Variants in ACAP2 observed in about 807,000 individuals in gnomAD.
ACAP2 encodes ArfGAP with coiled-coil, ankyrin repeat and PH domains 2, also known as arf-GAP with coiled-coil, ANK repeat and PH domain-containing protein 2.
Under a neutral mutation model 115.8 loss-of-function variants are expected in ACAP2, and 39 were observed. That is an observed-to-expected ratio of 0.34 (90% CI 0.26 to 0.44). The LOEUF (loss-of-function observed/expected upper bound fraction) is 0.44, where lower values mean the gene tolerates loss of function less well. Ranked by LOEUF, ACAP2 falls within the 20% of genes least tolerant of loss-of-function variation. The pLI is 1.00. For synonymous variants in ACAP2, 289 were observed against 315.8 expected, an observed-to-expected ratio of 0.92 and a Z score of 0.90; for missense variants, 662 against 927.6, an observed-to-expected ratio of 0.71 and a Z score of 3.72.
intron 21 of ACAP2, among the ~76,000 whole-genome samples, chr3:195,286,886 A>G (rs1560200468): frequency 6.6e-6 from 1 of 152,232 alleles, no homozygotes; most frequent in Non-Finnish European, 1.5e-5. Context: ...TTGTCTCTCT[A>G]TATCATTCCT....
intron 4 of ACAP2, among the ~76,000 whole-genome samples, chr3:195,363,792 G>C (rs1732531803): frequency 6.6e-6 from 1 of 152,108 alleles, no homozygotes. Flanking sequence ...GAACAGAATA[G>C]AGAACCCAGA....
intron 6 of ACAP2, among the ~76,000 whole-genome samples, chr3:195,342,108 T>A (rs1730918158): frequency 6.6e-6 from 1 of 152,184 alleles, no homozygotes; most frequent in Non-Finnish European, 1.5e-5. Context: ...ATTCACCATG[T>A]GACCAAAAAC....
At chr3:195,409,770 G>A (rs1229872529) in intron 1 of ACAP2, among the ~76,000 whole-genome samples, 1 of 151,048 alleles carries the variant, frequency 6.6e-6, no homozygotes, top group African/African-American at 2.4e-5. Context: ...CAGCTACTCG[G>A]GAGGCTGAGG....
At chr3:195,318,645 G>C (rs533157447) in intron 10 of ACAP2, among the ~76,000 whole-genome samples, 43 of 152,286 alleles carry the variant, frequency 2.8e-4, no homozygotes, top group Middle Eastern at 3.4e-3. Context: ...TTCTAAGCAG[G>C]AAAACATTCA....
At chr3:195,334,807 T>G (rs899893623) in intron 7 of ACAP2, among the ~76,000 whole-genome samples, 2 of 152,162 alleles carry the variant, frequency 1.3e-5, no homozygotes, top group East Asian at 3.8e-4. Flanking sequence ...AAAGCCTTAA[T>G]CCTTTGACTA....
At chr3:195,385,095 TA>T (rs992709412) in intron 2 of ACAP2, among the ~76,000 whole-genome samples, 3 of 150,116 alleles carry the variant, frequency 2.0e-5, no homozygotes, top group African/African-American at 2.4e-5. Context: ...ATATGGTTAC[TA>T]AAAAAAAAGA....
At chr3:195,297,617 A>G (rs1045867379) in intron 15 of ACAP2, among the ~76,000 whole-genome samples, 4 of 152,180 alleles carry the variant, frequency 2.6e-5, no homozygotes, top group Non-Finnish European at 4.4e-5. Flanking sequence ...AAGAAGTATG[A>G]CAACAAAGCA....
chr3:195,438,889 G>A (rs907597117), intron 1 of ACAP2, among the ~76,000 whole-genome samples: 21 of 152,058 alleles, frequency 1.4e-4, no homozygotes, highest in Non-Finnish European at 2.6e-4. Context: ...GTGAAACTCC[G>A]TTTCTACTAA....
chr3:195,385,316 C>T (rs1734227753), intron 2 of ACAP2, among the ~76,000 whole-genome samples: 1 of 148,832 alleles, frequency 6.7e-6, no homozygotes, highest in South Asian at 2.1e-4. Flanking sequence ...GAGATTTGTG[C>T]TTCCTTGTCA....
At position 195,345,266 on chromosome 3, in the gene ACAP2, C is replaced by CA; in HGVS notation, c.336dup (p.Val113CysfsTer2). The CA allele has an allele frequency of 6.2e-7, 1 of 1,610,214 alleles. No individual in the cohort carries two copies. The highest frequency in any genetic ancestry group is 8.5e-7 in the Non-Finnish European group (1 of 1,177,198). On this transcript the variant is annotated frameshift_variant, in exon 5 of 23. Coordinates refer to ENST00000326793, the MANE Select transcript of ACAP2 (RefSeq NM_012287.6). LOFTEE classifies it high-confidence loss of function. ...TCACCGCAATTGACTTACTCTTTAA[C>CA]AAAGTTCTGAAGCTGTGCCTTAATT...
chr3:195,328,272 C>T (rs1415401084), intron 8 of ACAP2, among the ~76,000 whole-genome samples: 2 of 151,948 alleles, frequency 1.3e-5, no homozygotes, highest in South Asian at 4.2e-4. Context: ...TAAATGTCTA[C>T]ACATTTTAAG....
intron 1 of ACAP2, among the ~76,000 whole-genome samples, chr3:195,426,354 T>C (rs1714686171): frequency 6.6e-6 from 1 of 152,168 alleles, no homozygotes; most frequent in Admixed American, 6.5e-5. Flanking sequence ...GATGACACAA[T>C]GCATCATCAC....
intron 1 of ACAP2, among the ~76,000 whole-genome samples, chr3:195,433,992 C>T (rs745553062): frequency 2.0e-5 from 3 of 151,650 alleles, no homozygotes; most frequent in Non-Finnish European, 4.4e-5. Flanking sequence ...GCAGTGGCAC[C>T]ATCACAGCTC....
intron 15 of ACAP2, among the ~76,000 whole-genome samples, chr3:195,301,164 C>T (rs1728026488): frequency 6.6e-6 from 1 of 151,858 alleles, no homozygotes; most frequent in Non-Finnish European, 1.5e-5. Context: ...CGGCTCACTG[C>T]AAGCTCTGCC....
At position 195,386,836 on chromosome 3, in the gene ACAP2, G is replaced by A. The variant is rs753156894; in HGVS notation, c.112-4814C>T. ...AAAAGTGATCTGGAATATCACAAGCGGATAGTGAAAGACCAGAGGTAGGGC... is the reference window on the plus strand; with the variant it reads ...AAAAGTGATCTGGAATATCACAAGCAGATAGTGAAAGACCAGAGGTAGGGC... On this transcript the variant is annotated intron_variant, in intron 2 of 22. Transcript: ENST00000326793. 3.3e-5 allele frequency among the ~76,000 whole-genome samples: 5 copies of A among 151,948 alleles called. No homozygotes were observed. In the East Asian group the frequency reaches 5.8e-4, roughly 18 times the overall value.
chr3:195,424,227 T>TGTGTGTGTGTGTGTG (rs1454959556), intron 1 of ACAP2, among the ~76,000 whole-genome samples: 8 of 27,054 alleles, frequency 3.0e-4, no homozygotes, highest in Admixed American at 4.4e-4. Context: ...TGGTCATATG[T>TGTGTGTGTGTGTGTG]GTGTGTGTGT....
chr3:195,389,426 G>A (rs1577400161), intron 2 of ACAP2, among the ~76,000 whole-genome samples: 1 of 152,094 alleles, frequency 6.6e-6, no homozygotes, highest in African/African-American at 2.4e-5. Context: ...TTTACATGTG[G>A]TTCTACCTTA....
intron 10 of ACAP2, among the ~76,000 whole-genome samples, chr3:195,311,379 G>A (rs1168298603): frequency 6.6e-6 from 1 of 152,040 alleles, no homozygotes. Context: ...CTACAGGCGT[G>A]AGCCACCACG....
At chr3:195,299,531 A>G (rs1727885149) in intron 15 of ACAP2, among the ~76,000 whole-genome samples, 1 of 149,124 alleles carries the variant, frequency 6.7e-6, no homozygotes, top group Non-Finnish European at 1.5e-5. Context: ...TGACAAAGTG[A>G]GACTCCGTCT....
Sources: gnomAD v4.1 joint callset for allele counts (sites outside exome capture counted in the v4.1 genomes callset) on GRCh38, gnomAD v4.1.1 for gene constraint, MANE v1.5 for transcripts, NCBI Gene and HGNC (gene_info 2026-07-23, HGNC 2026-07-21) for gene names.